The following UBE3C variants were observed in gnomAD, a reference collection of about 807,000 sequenced individuals.
UBE3C encodes the protein ubiquitin protein ligase E3C.
In UBE3C, 42 loss-of-function variants were observed where a neutral mutation model predicts 129.4. The ratio of observed to expected loss-of-function variants is 0.32; its 90% CI spans 0.25 to 0.42. The LOEUF (loss-of-function observed/expected upper bound fraction) is 0.42, where lower values mean the gene tolerates loss of function less well. UBE3C is among the 10% of genes least tolerant of loss of function. The pLI is 1.00. For synonymous variants in UBE3C, 510 were observed against 492.4 expected (o/e 1.04, Z -0.47); for missense variants, 1,049 against 1,319.1 (o/e 0.80, Z 3.17).
intron 1 of UBE3C, among the ~76,000 whole-genome samples, chr7:157,152,798 A>G (rs1807794021): frequency 6.6e-6 from 1 of 152,170 alleles, no homozygotes; most frequent in Non-Finnish European, 1.5e-5. Context: ...CATTCCTGTA[A>G]CTGCTTGGGA....
chr7:157,182,581 G>A (rs1808696061), intron 8 of UBE3C, among the ~76,000 whole-genome samples: 1 of 152,116 alleles, frequency 6.6e-6, no homozygotes, highest in African/African-American at 2.4e-5. Flanking sequence ...GAGTTAAATG[G>A]GAAAGCTCTT....
chr7:157,250,340 C>T (rs1191041655), intron 19 of UBE3C, among the ~76,000 whole-genome samples: 1 of 152,200 alleles, frequency 6.6e-6, no homozygotes, highest in Non-Finnish European at 1.5e-5. Context: ...GCGTACACCA[C>T]CAAACCTGGC....
At chr7:157,255,284 C>T (rs1796723337) in intron 21 of UBE3C, among the ~76,000 whole-genome samples, 1 of 152,084 alleles carries the variant, frequency 6.6e-6, no homozygotes, top group South Asian at 2.1e-4. Context: ...ATGAGATAAC[C>T]CCACATACCC....
intron 1 of UBE3C, among the ~76,000 whole-genome samples, chr7:157,146,266 A>T (rs536752304): frequency 5.3e-5 from 8 of 151,688 alleles, no homozygotes; most frequent in African/African-American, 1.9e-4. Flanking sequence ...TTTTGAGACG[A>T]AGTCTCGCTC....
intron 13 of UBE3C, among the ~76,000 whole-genome samples, chr7:157,215,485 T>C (rs1016353182): frequency 1.2e-4 from 18 of 148,192 alleles, no homozygotes; most frequent in Middle Eastern, 3.3e-3. Context: ...ATATTATATA[T>C]ACTAGATACA....
chr7:157,150,953 GGA>G (rs1394900580), intron 1 of UBE3C, among the ~76,000 whole-genome samples: 3 of 152,226 alleles, frequency 2.0e-5, no homozygotes, highest in Non-Finnish European at 4.4e-5. Context: ...GCCGTTGGCA[GGA>G]GAGTCAGTTC....
intron 22 of UBE3C, among the ~76,000 whole-genome samples, chr7:157,264,969 T>C (rs1797037567): frequency 6.6e-6 from 1 of 152,242 alleles, no homozygotes; most frequent in Non-Finnish European, 1.5e-5. Flanking sequence ...TTCCTCATGT[T>C]ATTCTTTGAG....
In UBE3C at chr7:157,212,808, G is replaced by C. The variant is rs1211264350; in HGVS notation, c.1810-4059G>C. The stretch of plus-strand genomic sequence containing the variant: ...GACAGGGTTTCGTTCTGTTGCCCAA[G>C]CTGGAGTACAGTGGCTCGATCTCAC... On this transcript the variant is annotated intron_variant, in intron 13 of 22. Coordinates refer to ENST00000348165, the MANE Select transcript of UBE3C (RefSeq NM_014671.3). 7.9e-5 allele frequency among the ~76,000 whole-genome samples: 12 copies of C among 152,084 alleles called. 1 individual carries two copies. The highest frequency in any genetic ancestry group is 7.9e-4 in the Admixed American group (12 of 15,264).
intron 14 of UBE3C, among the ~76,000 whole-genome samples, chr7:157,219,492 T>A (rs560854095): frequency 6.6e-6 from 1 of 152,242 alleles, no homozygotes; most frequent in East Asian, 1.9e-4. Context: ...TACATCTAAC[T>A]ACAAAATTAC....
At chr7:157,201,879 A>G in intron 11 of UBE3C, 72 bp downstream of exon 11, 1 of 1,331,646 alleles carries the variant, frequency 7.5e-7, no homozygotes, top group African/African-American at 1.5e-5. Flanking sequence ...AAATGTTGCC[A>G]GAACCTGTTT....
rs143728434 is a variant in UBE3C, at chr7:157,246,100, T to A, written c.2482-2268T>A. Reference sequence around the variant, plus strand: ...TTGCTTTTGGGAAAACCTCAACAGCTATTTTCTCATTTTCTCCAGTCGTAT... The same window carrying A: ...TTGCTTTTGGGAAAACCTCAACAGCAATTTTCTCATTTTCTCCAGTCGTAT... On this transcript the variant is annotated intron_variant, in intron 18 of 22. Coordinates refer to ENST00000348165, the MANE Select transcript of UBE3C (RefSeq NM_014671.3). Among the ~76,000 whole-genome samples, 111 of 152,136 alleles carry A rather than the reference T, an allele frequency of 7.3e-4. 1 individual carries two copies. Among genetic ancestry groups the A allele is most frequent in the African/African-American group, 2.6e-3 (108 of 41,540 alleles).
At position 157,154,394 on chromosome 7, in the gene UBE3C, C is replaced by A. The variant is rs370379864; in HGVS notation, c.67-9416C>A. Among the ~76,000 whole-genome samples the A allele has an allele frequency of 1.2e-4, 18 of 152,220 alleles. No individual in the cohort carries two copies. The East Asian group carries it at 3.3e-3, about 28-fold the overall frequency. On this transcript the variant is annotated intron_variant, in intron 1 of 22. Coordinates refer to ENST00000348165, the MANE Select transcript of UBE3C (RefSeq NM_014671.3). ...CTTCTCACTGAATCCCCTAACTTCC[C>A]ACCATTATTTTCTCAGTATCCTCTC...
At chr7:157,168,160 G>A (rs1449137916) in intron 2 of UBE3C, among the ~76,000 whole-genome samples, 1 of 151,804 alleles carries the variant, frequency 6.6e-6, no homozygotes, top group African/African-American at 2.4e-5. Context: ...GACCATCCTG[G>A]CTAACATGGT....
intron 5 of UBE3C, among the ~76,000 whole-genome samples, chr7:157,176,297 A>G (rs971844714): frequency 3.3e-5 from 5 of 152,126 alleles, no homozygotes; most frequent in Admixed American, 6.5e-5. Context: ...TTTTTGAGAT[A>G]AGAGTCTTGC....
At chr7:157,166,445 A>C (rs1299256964) in intron 2 of UBE3C, among the ~76,000 whole-genome samples, 2 of 152,176 alleles carry the variant, frequency 1.3e-5, no homozygotes, top group African/African-American at 2.4e-5. Flanking sequence ...GAGCTTTAAA[A>C]TCAATATTTT....
intron 19 of UBE3C, among the ~76,000 whole-genome samples, chr7:157,252,188 T>C (rs1389975449): frequency 6.6e-6 from 1 of 152,120 alleles, no homozygotes; most frequent in Admixed American, 6.6e-5. Context: ...GGCAAGGTAA[T>C]TGGGAGCCTT....
chr7:157,231,623 GT>G, intron 18 of UBE3C: 1 of 356,954 alleles, frequency 2.8e-6, no homozygotes, highest in Non-Finnish European at 5.2e-6. Context: ...TGGATGAGTG[GT>G]TTATTGTGGG....
chr7:157,156,348 C>G (rs555889377), intron 1 of UBE3C, among the ~76,000 whole-genome samples: 1 of 143,820 alleles, frequency 7.0e-6, no homozygotes, highest in East Asian at 2.0e-4. Context: ...GCTCTGTCAC[C>G]TGGGCTGGAG....
At chr7:157,156,310 T>TC (rs951659076) in intron 1 of UBE3C, among the ~76,000 whole-genome samples, 2 of 143,138 alleles carry the variant, frequency 1.4e-5, no homozygotes, top group African/African-American at 5.2e-5. Flanking sequence ...CTTTTTTTTT[T>TC]TTTTTTTTTT....
Sources: gnomAD v4.1 joint callset for allele counts (sites outside exome capture counted in the v4.1 genomes callset) on GRCh38, gnomAD v4.1.1 for gene constraint, MANE v1.5 for transcripts, NCBI Gene and HGNC (gene_info 2026-07-23, HGNC 2026-07-21) for gene names.